Variants in LRRC37B observed in about 807,000 individuals in gnomAD.
LRRC37B encodes leucine rich repeat containing 37B.
A neutral mutation model predicts 98.3 loss-of-function variants in LRRC37B; 28 were observed. The observed-to-expected ratio is 0.28, with a 90% CI of 0.21 to 0.39. LRRC37B has a LOEUF of 0.39. LRRC37B is among the 10% of genes least tolerant of loss of function. The probability of loss-of-function intolerance (pLI) is 1.00; values close to 1 mark genes in which losing one functional copy is unlikely to be tolerated. For synonymous variants in LRRC37B, 364 were observed against 442.7 expected (o/e 0.82, Z 2.23); for missense variants, 938 against 1,182.7 (o/e 0.79, Z 3.03).
At chr17:32,021,789 C>A in exon 1 of LRRC37B, 1 of 1,614,204 alleles carries the variant, frequency 6.2e-7, no homozygotes, top group East Asian at 2.2e-5. Flanking sequence ...ATTATCCAAA[C>A]CTCAGCGTCA....
At chr17:32,046,599 C>CTTTTTTTTTTTTT (rs796570580) in intron 8 of LRRC37B, among the ~76,000 whole-genome samples, 2 of 132,826 alleles carry the variant, frequency 1.5e-5, no homozygotes, top group Non-Finnish European at 1.6e-5. Context: ...TTCTTTTTTT[C>CTTTTTTTTTTTTT]TTTTTTTTTT....
At chr17:32,043,004 G>A (rs1403119964) in intron 7 of LRRC37B, among the ~76,000 whole-genome samples, 1 of 152,040 alleles carries the variant, frequency 6.6e-6, no homozygotes, top group Non-Finnish European at 1.5e-5. Flanking sequence ...TTCTGGTTAT[G>A]GAGGAGAATG....
At chr17:32,038,544 T>C (rs1911316810) in intron 7 of LRRC37B, among the ~76,000 whole-genome samples, 1 of 152,184 alleles carries the variant, frequency 6.6e-6, no homozygotes, top group African/African-American at 2.4e-5. Flanking sequence ...AGATTGTGGT[T>C]TGTCTTTTCA....
Position 32,008,102 on chromosome 17 carries a change from TC to T in LRRC37B, c.-219del. On this transcript the variant is annotated 5_prime_UTR_variant, in exon 1 of 15. The change creates a premature stop within an existing upstream ORF in the 5' untranslated region. Coordinates refer to the LRRC37B transcript ENST00000543378. ...AGATGACGACGAGGACGCCAGTTAC[TC>T]CACGGAAAGCAGCTTCAGCAGCACT... 2.4e-6 allele frequency: 1 copy of T among 412,240 alleles called. No individual in the cohort carries two copies. Among genetic ancestry groups the T allele is most frequent in the Non-Finnish European group, 4.7e-6 (1 of 211,288 alleles). The allele number at this position is 412,240 out of a possible 1,614,324, so 25.5% of individuals were successfully genotyped here. A position where few individuals can be genotyped will look rare whatever the true frequency, so the allele number is the denominator to read the frequency against.
upstream of LRRC37B, chr17:32,017,983 A>G (rs1910683662): frequency 3.2e-5 from 7 of 220,504 alleles, no homozygotes. Flanking sequence ...AAGTGGTAAA[A>G]TAGCTGTGGA....
At chr17:32,045,795 G>A (rs201551794) in exon 8 of LRRC37B, 6 of 1,600,126 alleles carry the variant, frequency 3.7e-6, no homozygotes, top group Non-Finnish European at 5.1e-6. Context: ...AACACTGCAT[G>A]TCTGACTAAC....
intron 7 of LRRC37B, among the ~76,000 whole-genome samples, chr17:32,037,096 C>T (rs1270029430): frequency 1.4e-5 from 2 of 146,598 alleles, no homozygotes; most frequent in Non-Finnish European, 3.0e-5. Context: ...AAACAGTTCT[C>T]CTGCCTCAGC....
intron 8 of LRRC37B, 121 bp from the exon 12 acceptor site, chr17:32,047,640 G>A: frequency 2.1e-6 from 3 of 1,451,094 alleles, no homozygotes; most frequent in Non-Finnish European, 2.9e-6. Flanking sequence ...TCTCCTCTCT[G>A]AATGGCACTC....
intron 7 of LRRC37B, chr17:32,041,361 C>T (rs753595351): frequency 1.3e-6 from 1 of 754,920 alleles, no homozygotes; most frequent in South Asian, 1.3e-5. Context: ...CTGCAAGGTG[C>T]TGTATGACTT....
intron 8 of LRRC37B, 93 bp from the exon 12 acceptor site, chr17:32,047,668 T>C: frequency 1.3e-6 from 2 of 1,581,046 alleles, no homozygotes; most frequent in Non-Finnish European, 1.7e-6. Context: ...TGCTGACTCT[T>C]ACTCTGTGTG....
intron 7 of LRRC37B, among the ~76,000 whole-genome samples, chr17:32,038,509 A>G (rs185913483): frequency 1.3e-5 from 2 of 152,050 alleles, no homozygotes; most frequent in East Asian, 3.9e-4. Context: ...CCTTATAGAT[A>G]TGTGTTTGGT....
At chr17:32,047,350 A>G (rs1347495938) in intron 8 of LRRC37B, 2 of 242,460 alleles carry the variant, frequency 8.2e-6, no homozygotes, top group Non-Finnish European at 1.6e-5. Flanking sequence ...CACACTGAGG[A>G]TGAGGAGAGT....
chr17:32,025,030 G>GTTTTTTTTTTT (rs772444987), intron 2 of LRRC37B, among the ~76,000 whole-genome samples: 1 of 69,918 alleles, frequency 1.4e-5, no homozygotes, highest in African/African-American at 5.4e-5. Context: ...TTTTTTCCTC[G>GTTTTTTTTTTT]TTTTTTTTTT....
intron 7 of LRRC37B, among the ~76,000 whole-genome samples, chr17:32,039,468 A>C (rs1911344592): frequency 1.8e-5 from 2 of 110,880 alleles, no homozygotes; most frequent in African/African-American, 6.8e-5. Context: ...CAGAGCAAGA[A>C]CCTGCCTAAA....
chr17:32,043,896 A>G (rs1911510875), intron 7 of LRRC37B, among the ~76,000 whole-genome samples: 1 of 151,342 alleles, frequency 6.6e-6, no homozygotes, highest in Admixed American at 6.6e-5. Flanking sequence ...AACTTCTATA[A>G]TGTAATATTT....
intron 8 of LRRC37B, chr17:32,047,449 G>A (rs368286213): frequency 1.5e-5 from 6 of 402,934 alleles, no homozygotes; most frequent in African/African-American, 1.0e-4. Context: ...GCTCATCAGG[G>A]AAGCACTTGT....
At chr17:32,048,075 A>G in intron 9 of LRRC37B, 174 bp downstream of exon 12, 1 of 1,185,476 alleles carries the variant, frequency 8.4e-7, no homozygotes. Context: ...GAAAAACAAT[A>G]GAAAGAGCCC....
rs1341674055 is a variant in LRRC37B at position 32,030,653 on chromosome 17, T to C, written c.1905-3T>C. 1 of 1,449,166 alleles carries C rather than the reference T, an allele frequency of 6.9e-7. No individual in the cohort carries two copies. The highest frequency in any genetic ancestry group is 9.3e-7 in the Non-Finnish European group (1 of 1,070,780). 89.8% of individuals were successfully genotyped at this position (1,449,166 alleles called of 1,614,324 possible). On this transcript the variant is annotated splice_region_variant and splice_polypyrimidine_tract_variant and intron_variant, in intron 3 of 11. Coordinates refer to ENST00000327564, the Ensembl canonical transcript of LRRC37B. ...GGCAATATTTTCCTTTTATTTTTCC[T>C]AGAGATTTATCCTGCAATAAAATAC...
chr17:32,052,996 A>G (rs1011262640), intron 11 of LRRC37B: 24 of 367,770 alleles, frequency 6.5e-5, no homozygotes, highest in Non-Finnish European at 8.1e-5. Context: ...GGTTATATGC[A>G]GACACTGCAC....
Sources: gnomAD v4.1 joint callset for allele counts (sites outside exome capture counted in the v4.1 genomes callset) on GRCh38, gnomAD v4.1.1 for gene constraint, MANE v1.5 for transcripts, NCBI Gene and HGNC (gene_info 2026-07-23, HGNC 2026-07-21) for gene names.